Variants in WIPF3 observed in about 807,000 individuals in gnomAD.
WIPF3 encodes WAS/WASL-interacting protein family member 3.
A neutral mutation model predicts 38.9 loss-of-function variants in WIPF3; 33 were observed. The ratio of observed to expected loss-of-function variants is 0.85; its 90% CI spans 0.64 to 1.14. The LOEUF is 1.14. WIPF3 is among the 50% of genes most tolerant of loss of function. The pLI is 0.00. For missense variants in WIPF3, 711 were observed against 652.5 expected (o/e 1.09, Z -0.98); for synonymous variants, 324 against 269.3 (o/e 1.20, Z -1.99).
intron 8 of WIPF3, among the ~76,000 whole-genome samples, chr7:29,909,190 A>T (rs567946486): frequency 6.6e-6 from 1 of 152,266 alleles, no homozygotes; most frequent in Non-Finnish European, 1.5e-5. Context: ...TTACATTAAA[A>T]AACAAGAAAG....
intron 2 of WIPF3, among the ~76,000 whole-genome samples, chr7:29,849,405 T>C (rs1322988739): frequency 6.6e-6 from 1 of 152,236 alleles, no homozygotes; most frequent in Non-Finnish European, 1.5e-5. Flanking sequence ...TTGCATTTAC[T>C]GTTCTCTGCC....
chr7:29,820,011 G>A (rs952771745), intron 1 of WIPF3, among the ~76,000 whole-genome samples: 10 of 151,800 alleles, frequency 6.6e-5, no homozygotes, highest in Admixed American at 2.0e-4. Context: ...ATATTTCCCC[G>A]TACCTTGCAA....
chr7:29,833,507 A>G (rs1235574458), intron 1 of WIPF3, among the ~76,000 whole-genome samples: 1 of 152,258 alleles, frequency 6.6e-6, no homozygotes, highest in African/African-American at 2.4e-5. Context: ...AAGTGTGATT[A>G]GTGTGTCACA....
chr7:29,872,778 G>A (rs549589615), intron 2 of WIPF3, among the ~76,000 whole-genome samples: 2 of 113,944 alleles, frequency 1.8e-5, no homozygotes, highest in Non-Finnish European at 3.3e-5. Context: ...CAACCTGGGC[G>A]ACAGAGTGAG....
intron 1 of WIPF3, among the ~76,000 whole-genome samples, chr7:29,825,196 C>T (rs777351013): frequency 6.6e-5 from 10 of 152,018 alleles, no homozygotes; most frequent in Admixed American, 1.3e-4. Context: ...TGTAAGTTTC[C>T]GTTGAATAAT....
chr7:29,854,102 G>A (rs963629354), intron 2 of WIPF3, among the ~76,000 whole-genome samples: 2 of 152,226 alleles, frequency 1.3e-5, no homozygotes, highest in Non-Finnish European at 2.9e-5. Flanking sequence ...ATGAATCAGT[G>A]AGGCACCCGG....
At chr7:29,871,918 G>T (rs957677334) in intron 2 of WIPF3, among the ~76,000 whole-genome samples, 1 of 152,156 alleles carries the variant, frequency 6.6e-6, no homozygotes, top group Non-Finnish European at 1.5e-5. Context: ...GGGGATTCTG[G>T]GCTGTCTTTT....
intron 2 of WIPF3, among the ~76,000 whole-genome samples, chr7:29,851,836 CACAGTGGGG>C (rs1421967753): frequency 6.6e-6 from 1 of 152,216 alleles, no homozygotes; most frequent in Non-Finnish European, 1.5e-5. Context: ...CTTCAGGCCC[CACAGTGGGG>C]ACAGTCCTAT....
intron 4 of WIPF3, among the ~76,000 whole-genome samples, chr7:29,880,818 G>A (rs986836522): frequency 1.3e-5 from 2 of 152,178 alleles, no homozygotes; most frequent in African/African-American, 4.8e-5. Flanking sequence ...TAAACACATG[G>A]ACTGGGTACC....
At chr7:29,822,519 G>A (rs1239897660) in intron 1 of WIPF3, among the ~76,000 whole-genome samples, 1 of 152,254 alleles carries the variant, frequency 6.6e-6, no homozygotes, top group East Asian at 1.9e-4. Flanking sequence ...GGTGGGTCTA[G>A]GGTCTAAGAT....
intron 7 of WIPF3, among the ~76,000 whole-genome samples, chr7:29,890,946 G>A (rs1786001871): frequency 7.2e-6 from 1 of 139,590 alleles, no homozygotes; most frequent in South Asian, 2.4e-4. Flanking sequence ...TCAGGTGGAG[G>A]GGGCGCGGGC....
chr7:29,826,569 T>C (rs1229249484), intron 1 of WIPF3, among the ~76,000 whole-genome samples: 1 of 152,206 alleles, frequency 6.6e-6, no homozygotes. Context: ...ACTTTCCTTC[T>C]TTTTATTACC....
chr7:29,849,180 G>A (rs1785050742), intron 2 of WIPF3, among the ~76,000 whole-genome samples: 1 of 152,010 alleles, frequency 6.6e-6, no homozygotes, highest in Non-Finnish European at 1.5e-5. Context: ...AGGTTTTATT[G>A]TGTTGTTTTG....
chr7:29,905,122 C>G (rs575608045), intron 8 of WIPF3: 1 of 152,274 alleles, frequency 6.6e-6, no homozygotes, highest in African/African-American at 2.4e-5. Flanking sequence ...GGAAAGTGAC[C>G]TGAGAAGGAA....
intron 7 of WIPF3, among the ~76,000 whole-genome samples, chr7:29,891,334 A>G (rs1464804686): frequency 2.0e-5 from 2 of 97,934 alleles, no homozygotes; most frequent in Non-Finnish European, 4.3e-5. Context: ...GTCGGGGGAA[A>G]GTGGGCCTGC....
At chr7:29,903,324 TAAAA>T (rs1207127679) in intron 7 of WIPF3, among the ~76,000 whole-genome samples, 1 of 151,864 alleles carries the variant, frequency 6.6e-6, no homozygotes, top group African/African-American at 2.4e-5. Flanking sequence ...AATAAAATAA[TAAAA>T]AAACAGGTGC....
chr7:29,841,342 C>T (rs923932014), intron 2 of WIPF3, among the ~76,000 whole-genome samples: 3 of 152,144 alleles, frequency 2.0e-5, no homozygotes, highest in African/African-American at 7.2e-5. Context: ...TCATCTCCGT[C>T]GCTGATGAGC....
At position 29,823,595 on chromosome 7, in the gene WIPF3, A is replaced by G. The variant is rs1001036684; in HGVS notation, c.-57-11073A>G. On this transcript the variant is annotated intron_variant, in intron 1 of 8. Coordinates refer to ENST00000242140, the MANE Select transcript of WIPF3 (RefSeq NM_001080529.3). This position sits in a 1 kb window ranked among gnomAD's most constrained non-coding sequence, Gnocchi z 4.0. ...GTTTATATGCCATTGCCTTGATACAAAAATATCTTGATACCAACTGATATG... is the reference window on the plus strand; with the variant it reads ...GTTTATATGCCATTGCCTTGATACAGAAATATCTTGATACCAACTGATATG... Among the ~76,000 whole-genome samples the G allele has an allele frequency of 6.6e-6, 1 of 152,206 alleles. No homozygotes were observed. The highest frequency in any genetic ancestry group is 6.5e-5 in the Admixed American group (1 of 15,270).
Position 29,916,488 on chromosome 7 carries a change from G to A in WIPF3, c.*1972G>A, listed in dbSNP as rs1786617157. ...ATCCCAGCATGGGAGGCTGAGGTGG[G>A]TGGATTACTTGAGGTTAGGAGTTCA... On this transcript the variant is annotated 3_prime_UTR_variant, in exon 9 of 9. Transcript: ENST00000242140. The A allele has an allele frequency of 6.6e-6, 1 of 152,180 alleles. No homozygotes were observed. Among genetic ancestry groups the A allele is most frequent in the Admixed American group, 6.5e-5 (1 of 15,276 alleles). The allele number at this position is 152,180 out of a possible 1,614,324, so 9.4% of individuals were successfully genotyped here. A position where few individuals can be genotyped will look rare whatever the true frequency, so the allele number is the denominator to read the frequency against.
Sources: gnomAD v4.1 joint callset for allele counts (sites outside exome capture counted in the v4.1 genomes callset) on GRCh38, gnomAD v4.1.1 for gene constraint, Gnocchi (gnomAD v3.1) non-coding constraint, MANE v1.5 for transcripts, NCBI Gene and HGNC (gene_info 2026-07-23, HGNC 2026-07-21) for gene names.